APTX: variants seen among roughly 807,000 people sequenced by gnomAD.
APTX encodes the protein forkhead-associated domain histidine triad-like protein.
In APTX, 33 loss-of-function variants were observed where a neutral mutation model predicts 42.3. The ratio of observed to expected loss-of-function variants is 0.78; its 90% CI spans 0.59 to 1.04. The LOEUF is 1.04. Among genes scored for constraint, APTX ranks in the 50% least tolerant of loss-of-function variants. The pLI, the probability that APTX is intolerant of heterozygous loss-of-function variation, is 0.00. For synonymous variants in APTX, 130 were observed against 146.7 expected (o/e 0.89, Z 0.82); for missense variants, 421 against 415.1 (o/e 1.01, Z -0.12).
At chr9:33,010,022 C>T (rs917967223) in intron 1 of APTX, among the ~76,000 whole-genome samples, 2 of 152,320 alleles carry the variant, frequency 1.3e-5, no homozygotes, top group African/African-American at 4.8e-5. Context: ...TGAACCCATT[C>T]AGTCAAGAGT....
At chr9:32,993,627 C>T (rs917405427) in intron 1 of APTX, among the ~76,000 whole-genome samples, 3 of 151,988 alleles carry the variant, frequency 2.0e-5, no homozygotes, top group African/African-American at 4.8e-5. Context: ...GCTCTTCTTA[C>T]GATGGAATGC....
intron 6 of APTX, among the ~76,000 whole-genome samples, chr9:32,977,854 C>T (rs1218786151): frequency 6.6e-6 from 1 of 151,106 alleles, no homozygotes; most frequent in African/African-American, 2.4e-5. Context: ...AAAAAAAAAA[C>T]GGAAACAGAT....
chr9:33,005,363 T>C (rs1384160941), upstream of APTX, among the ~76,000 whole-genome samples: 1 of 151,848 alleles, frequency 6.6e-6, no homozygotes, highest in South Asian at 2.1e-4. Context: ...TTTCTAAGAG[T>C]TTTATAGTTT....
intron 1 of APTX, among the ~76,000 whole-genome samples, chr9:33,015,353 G>A (rs1837822361): frequency 6.6e-6 from 1 of 152,132 alleles, no homozygotes; most frequent in African/African-American, 2.4e-5. Context: ...CATTGCCTGA[G>A]TTGTATTTTT....
rs142112643 is a variant in APTX at position 32,995,502 on chromosome 9, T to C, written c.-4-5607A>G. 8.5e-5 allele frequency among the ~76,000 whole-genome samples: 13 copies of C among 152,296 alleles called. No homozygotes were observed. In the East Asian group the frequency reaches 2.5e-3, roughly 29 times the overall value. On this transcript the variant is annotated intron_variant, in intron 1 of 7. Coordinates refer to ENST00000379817, the MANE Select transcript of APTX (RefSeq NM_001195248.2). The stretch of plus-strand genomic sequence containing the variant: ...CTGCAATCTCATGATCATACTTTAA[T>C]GGATGAGGAGTTGCTTCTTATGGAT...
chr9:32,989,229 G>A (rs762185980), intron 2 of APTX, among the ~76,000 whole-genome samples: 5 of 152,182 alleles, frequency 3.3e-5, no homozygotes, highest in Non-Finnish European at 7.4e-5. Flanking sequence ...AAACCTTGCT[G>A]TGGGGGGGTC....
chr9:32,994,117 C>T (rs560053538), intron 1 of APTX, among the ~76,000 whole-genome samples: 2 of 152,248 alleles, frequency 1.3e-5, no homozygotes, highest in East Asian at 3.9e-4. Flanking sequence ...CCACACAAGG[C>T]CAGAAATCAG....
At chr9:33,005,005 G>C (rs1837036498), upstream of APTX, among the ~76,000 whole-genome samples, 1 of 151,948 alleles carries the variant, frequency 6.6e-6, no homozygotes, top group Non-Finnish European at 1.5e-5. Flanking sequence ...TTGTGGTTTT[G>C]CTTTGTATTT....
intron 1 of APTX, among the ~76,000 whole-genome samples, chr9:32,992,819 T>C (rs1386424318): frequency 1.3e-5 from 2 of 152,150 alleles, no homozygotes; most frequent in Non-Finnish European, 2.9e-5. Context: ...AAAAGGCAGT[T>C]CAGCAAGTCT....
At chr9:32,995,540 C>T (rs145859997) in intron 1 of APTX, among the ~76,000 whole-genome samples, 12 of 152,230 alleles carry the variant, frequency 7.9e-5, no homozygotes, top group Middle Eastern at 3.4e-3. Flanking sequence ...GCAAAGAAAA[C>T]GGTCTCTTGA....
chr9:32,982,481 T>G (rs1468312149), intron 6 of APTX, among the ~76,000 whole-genome samples: 1 of 152,248 alleles, frequency 6.6e-6, no homozygotes, highest in Non-Finnish European at 1.5e-5. Flanking sequence ...TTCTTTTTCA[T>G]ACTTAATTTT....
At chr9:33,003,651 G>A (rs565653625), upstream of APTX, among the ~76,000 whole-genome samples, 127 of 152,110 alleles carry the variant, frequency 8.3e-4, no homozygotes, top group African/African-American at 2.8e-3. Flanking sequence ...ACTCCGTATC[G>A]ATTAAATAGC....
intron 4 of APTX, 30 bp from the exon 5 acceptor site, chr9:32,986,060 A>AAAAAAAAAAAAAAAAT: frequency 6.9e-7 from 1 of 1,442,174 alleles, no homozygotes; most frequent in East Asian, 2.3e-5. Flanking sequence ...AAAAACAAAA[A>AAAAAAAAAAAAAAAAT]AAAAAAAAAA....
chr9:33,008,877 T>C (rs1306275513), intron 1 of APTX, among the ~76,000 whole-genome samples: 2 of 152,194 alleles, frequency 1.3e-5, no homozygotes, highest in Non-Finnish European at 2.9e-5. Flanking sequence ...GATAATCTTT[T>C]CAAATTCTTG....
rs1031784368 is a variant in APTX at position 32,984,853 on chromosome 9, T to C, written c.548A>G (p.Tyr183Cys). 2.5e-6 allele frequency: 4 copies of C among 1,613,656 alleles called. No individual in the cohort carries two copies. In the Admixed American group the frequency reaches 5.0e-5, roughly 20 times the overall value. ...TATCACCACCACCTGCTCATCTTTG[T>C]AAACCTAGCAGAGGGATACAAGAGA... The part of the protein sequence containing the change: ...ISMQDPKMQV[Y>C]KDEQVVVIKD... The change falls in exon 6 of 8, where the codon TAC becomes TGC. Residue 183 changes from tyrosine to cysteine, a missense_variant. Transcript: ENST00000379817.
At chr9:33,018,787 G>A (rs541307336) in intron 1 of APTX, among the ~76,000 whole-genome samples, 112 of 152,270 alleles carry the variant, frequency 7.4e-4, no homozygotes, top group South Asian at 4.1e-3. Flanking sequence ...GCTGAGGCAG[G>A]AGAATTGCTG....
chr9:33,012,954 T>C (rs1048759607), intron 1 of APTX, among the ~76,000 whole-genome samples: 1 of 152,212 alleles, frequency 6.6e-6, no homozygotes, highest in Non-Finnish European at 1.5e-5. Flanking sequence ...TAAATGTTAA[T>C]GTCTGTGCCC....
At chr9:32,992,129 G>T (rs1161036755) in intron 1 of APTX, among the ~76,000 whole-genome samples, 2 of 152,146 alleles carry the variant, frequency 1.3e-5, no homozygotes, top group African/African-American at 4.8e-5. Flanking sequence ...CTAGACTCCA[G>T]ACTCTTATCA....
intron 1 of APTX, among the ~76,000 whole-genome samples, chr9:33,018,705 C>A (rs960029793): frequency 9.9e-5 from 15 of 151,564 alleles, no homozygotes; most frequent in Non-Finnish European, 2.1e-4. Flanking sequence ...TAGTGAAACC[C>A]CATCTCTACT....
Sources: allele counts gnomAD v4.1 joint callset (sites outside exome capture counted in the v4.1 genomes callset), GRCh38; gene constraint gnomAD v4.1.1; transcripts MANE v1.5; gene names NCBI Gene and HGNC (gene_info 2026-07-23, HGNC 2026-07-21).